GPHN: variants seen among roughly 807,000 people sequenced by gnomAD.
GPHN encodes gephyrin.
GPHN carries 17 observed loss-of-function variants against 95.5 expected under a neutral mutation model. That is an observed-to-expected ratio of 0.18 (90% CI 0.12 to 0.27). The LOEUF is 0.27. GPHN is among the 10% of genes least tolerant of loss of function. The pLI is 1.00. For synonymous variants in GPHN, 320 were observed against 322.5 expected (o/e 0.99, Z 0.08); for missense variants, 660 against 978.1 (o/e 0.67, Z 4.34).
At chr14:67,647,120 A>G in the GPHN span, 10 of 807,036 alleles carry the variant, frequency 1.2e-5, no homozygotes, top group South Asian at 1.5e-4. Flanking sequence ...TTAAAATACA[A>G]AGCAAAAACA....
chr14:67,243,927 G>A, the GPHN span, among the ~76,000 whole-genome samples: 162 of 152,280 alleles, frequency 1.1e-3, no homozygotes, highest in African/African-American at 3.7e-3. Flanking sequence ...TAAGTAATCC[G>A]TAGTCTGACT....
intron 9 of GPHN, among the ~76,000 whole-genome samples, chr14:66,969,998 G>A (rs1422829582): frequency 1.3e-5 from 2 of 150,530 alleles, no homozygotes; most frequent in Non-Finnish European, 3.0e-5. Context: ...TTGATTTTGA[G>A]TAAGTAAATA....
At chr14:66,619,999 T>G (rs2063223275) in intron 1 of GPHN, among the ~76,000 whole-genome samples, 1 of 152,082 alleles carries the variant, frequency 6.6e-6, no homozygotes, top group Non-Finnish European at 1.5e-5. Context: ...TGATCGCCAG[T>G]GTTTTTGTCT....
At chr14:67,585,160 C>T in the GPHN span, 158 of 163,838 alleles carry the variant, frequency 9.6e-4, 2 homozygotes, top group South Asian at 0.026. Context: ...AGAAGCACTT[C>T]GGCTTGGAGA....
chr14:67,059,449 T>C (rs2075737328), intron 11 of GPHN, among the ~76,000 whole-genome samples: 1 of 152,114 alleles, frequency 6.6e-6, no homozygotes, highest in African/African-American at 2.4e-5. Context: ...TTAGTGCAAT[T>C]TGAATAAAAT....
the GPHN span, chr14:67,600,264 G>C: frequency 7.3e-7 from 1 of 1,374,622 alleles, no homozygotes; most frequent in Non-Finnish European, 9.6e-7. Context: ...GGCCCTGGCC[G>C]TCTCGCCCGC....
the GPHN span, among the ~76,000 whole-genome samples, chr14:67,461,467 T>C: frequency 3.3e-5 from 5 of 152,080 alleles, no homozygotes; most frequent in Non-Finnish European, 7.4e-5. Flanking sequence ...AAGAGGGTGG[T>C]TGCAATCAGA....
At chr14:67,595,350 C>T in the GPHN span, among the ~76,000 whole-genome samples, 2 of 152,040 alleles carry the variant, frequency 1.3e-5, no homozygotes, top group Non-Finnish European at 1.5e-5. Flanking sequence ...GTATTGTTTC[C>T]GCATCATCCT....
chr14:67,340,504 T>C, the GPHN span: 11 of 1,605,666 alleles, frequency 6.9e-6, no homozygotes, highest in Admixed American at 6.8e-5. Context: ...GTACGTTCAA[T>C]CCGGGGAATG....
chr14:66,960,760 TA>T (rs2068847438), intron 8 of GPHN, among the ~76,000 whole-genome samples: 1 of 152,082 alleles, frequency 6.6e-6, no homozygotes, highest in African/African-American at 2.4e-5. Context: ...AGTGAGAGAA[TA>T]GAACCTTCTC....
the GPHN span, among the ~76,000 whole-genome samples, chr14:67,354,306 TA>T: frequency 2.0e-5 from 3 of 152,226 alleles, no homozygotes; most frequent in Non-Finnish European, 4.4e-5. Flanking sequence ...GATGCCAACA[TA>T]GTTTAAATAC....
the GPHN span, among the ~76,000 whole-genome samples, chr14:67,719,814 TTC>T: frequency 2.0e-5 from 3 of 152,222 alleles, no homozygotes; most frequent in Admixed American, 2.0e-4. Flanking sequence ...TTTTTATTTA[TTC>T]TGTTTCTTAA....
chr14:66,779,316 A>T (rs1042192747), intron 3 of GPHN, among the ~76,000 whole-genome samples: 6 of 152,212 alleles, frequency 3.9e-5, no homozygotes, highest in African/African-American at 1.4e-4. Context: ...GAGGAAATTG[A>T]ATAAATATTT....
chr14:67,216,821 G>A, the GPHN span, among the ~76,000 whole-genome samples: 1 of 152,020 alleles, frequency 6.6e-6, no homozygotes, highest in African/African-American at 2.4e-5. Flanking sequence ...CATTTGTTTT[G>A]TGTCCTAACA....
chr14:67,557,141 C>T, the GPHN span: 3 of 674,738 alleles, frequency 4.4e-6, no homozygotes, highest in Admixed American at 5.7e-5. Context: ...GCTCAGACTG[C>T]CCTGGGTAAG....
chr14:66,973,757 C>CA (rs559112679), intron 9 of GPHN, among the ~76,000 whole-genome samples: 3 of 149,972 alleles, frequency 2.0e-5, no homozygotes, highest in Non-Finnish European at 4.4e-5. Context: ...GACTCTGTCT[C>CA]AAAAAACAAA....
chr14:66,973,216 G>A (rs958890375), intron 9 of GPHN, among the ~76,000 whole-genome samples: 17 of 151,630 alleles, frequency 1.1e-4, no homozygotes, highest in Non-Finnish European at 1.5e-4. Flanking sequence ...AATGACTACC[G>A]GTACCATGGT....
At chr14:67,625,883 A>G in the GPHN span, among the ~76,000 whole-genome samples, 1 of 152,208 alleles carries the variant, frequency 6.6e-6, no homozygotes, top group Non-Finnish European at 1.5e-5. Context: ...AATTAGCAAT[A>G]GATTTAATTA....
chr14:66,821,515 T>C (rs926208034), intron 3 of GPHN, among the ~76,000 whole-genome samples: 10 of 152,208 alleles, frequency 6.6e-5, no homozygotes. Context: ...AGACCAGAGA[T>C]ACTGCCTTAT....
Sources: gnomAD v4.1 joint callset for allele counts (sites outside exome capture counted in the v4.1 genomes callset) on GRCh38, gnomAD v4.1.1 for gene constraint, MANE v1.5 for transcripts, NCBI Gene and HGNC (gene_info 2026-07-23, HGNC 2026-07-21) for gene names.